TRMT11: variants seen among roughly 807,000 people sequenced by gnomAD.
The protein encoded by TRMT11 is tRNA methyltransferase 11.
In TRMT11, 53 loss-of-function variants were observed where a neutral mutation model predicts 62.8. That is an observed-to-expected ratio of 0.84 (90% CI 0.68 to 1.06). The LOEUF (loss-of-function observed/expected upper bound fraction) is 1.06, where lower values mean the gene tolerates loss of function less well. Ranked by LOEUF, TRMT11 falls within the 50% of genes least tolerant of loss-of-function variation. TRMT11 has a pLI of 0.00. For synonymous variants in TRMT11, 188 were observed against 190.3 expected, an observed-to-expected ratio of 0.99 and a Z score of 0.10; for missense variants, 556 against 553.4, an observed-to-expected ratio of 1.00 and a Z score of -0.05.
At chr6:126,023,148 A>G (rs999418156) in intron 12 of TRMT11, among the ~76,000 whole-genome samples, 6 of 152,250 alleles carry the variant, frequency 3.9e-5, no homozygotes, top group African/African-American at 1.4e-4. Context: ...TATTTCAAGG[A>G]TGATGATTTG....
At chr6:126,007,685 C>T (rs963804585) in intron 7 of TRMT11, among the ~76,000 whole-genome samples, 1 of 151,884 alleles carries the variant, frequency 6.6e-6, no homozygotes, top group South Asian at 2.1e-4. Context: ...ATGAGCTGGT[C>T]ACATCTGTCA....
At position 125,998,629 on chromosome 6, in the gene TRMT11, G is replaced by T; in HGVS notation, c.467G>T (p.Gly156Val). 2 of 1,613,428 alleles carry T rather than the reference G, an allele frequency of 1.2e-6. No individual in the cohort carries two copies. The highest frequency in any genetic ancestry group is 1.7e-6 in the Non-Finnish European group (2 of 1,179,640). The change falls in exon 6 of 13, where the codon GGT (glycine) becomes GTT (valine). Residue 156 changes from glycine (G) to valine (V), a missense_variant. Gly to Val is a moderately radical substitution (Grantham distance 109). Transcript: ENST00000334379. ...GTATTTTCTGTTTTGGAGGATTATG[G>T]TTTAGACCCAAACTGCATCCCTGAG... Reference protein sequence around the residue: ...QHVFSVLEDYGLDPNCIPENP... With the variant: ...QHVFSVLEDYVLDPNCIPENP...
chr6:126,102,870 C>A (rs2128180010), intron 17 of TRMT11, among the ~76,000 whole-genome samples: 1 of 152,196 alleles, frequency 6.6e-6, no homozygotes, highest in South Asian at 2.1e-4. Flanking sequence ...AGGATGATAC[C>A]ATTACTTTTC....
chr6:126,067,862 A>G (rs2128135517), intron 17 of TRMT11, among the ~76,000 whole-genome samples: 1 of 152,274 alleles, frequency 6.6e-6, no homozygotes. Context: ...TTTAAATTTT[A>G]TTCATTTGAG....
At chr6:126,033,744 G>C (rs1774658402) in intron 12 of TRMT11, among the ~76,000 whole-genome samples, 1 of 152,094 alleles carries the variant, frequency 6.6e-6, no homozygotes, top group Non-Finnish European at 1.5e-5. Context: ...CAGATGCATG[G>C]TCTGCTGTGC....
At chr6:126,029,167 T>TG in intron 12 of TRMT11, among the ~76,000 whole-genome samples, 1 of 152,226 alleles carries the variant, frequency 6.6e-6, no homozygotes, top group Admixed American at 6.5e-5. Context: ...GTTATCTTTC[T>TG]GGTGTTATTC....
intron 2 of TRMT11, among the ~76,000 whole-genome samples, chr6:125,995,757 C>T (rs905586588): frequency 6.6e-5 from 10 of 152,030 alleles, no homozygotes; most frequent in African/African-American, 2.2e-4. Flanking sequence ...AGGATATATT[C>T]GTTTATAGGG....
intron 21 of TRMT11, among the ~76,000 whole-genome samples, chr6:126,159,374 C>A (rs1778162912): frequency 6.6e-6 from 1 of 152,064 alleles, no homozygotes; most frequent in South Asian, 2.1e-4. Flanking sequence ...GCAAAACTAG[C>A]CATAGACAAT....
intron 1 of TRMT11, among the ~76,000 whole-genome samples, chr6:126,194,959 A>T (rs1008105891): frequency 1.3e-5 from 2 of 151,990 alleles, no homozygotes; most frequent in Admixed American, 1.3e-4. Context: ...TATAAAAAAT[A>T]AAAAAAATTA....
chr6:126,264,920 C>G, the TRMT11 span, among the ~76,000 whole-genome samples: 23 of 152,166 alleles, frequency 1.5e-4, no homozygotes, highest in African/African-American at 5.3e-4. Context: ...GTGCATGTAT[C>G]CTATTGGCTC....
intron 3 of TRMT11, among the ~76,000 whole-genome samples, chr6:126,201,395 A>G (rs996174225): frequency 2.0e-5 from 3 of 152,198 alleles, no homozygotes; most frequent in African/African-American, 7.2e-5. Flanking sequence ...ATGGAACACA[A>G]TCTTTCATTT....
intron 12 of TRMT11, among the ~76,000 whole-genome samples, chr6:126,027,381 T>C (rs1224007702): frequency 6.6e-6 from 1 of 152,198 alleles, no homozygotes; most frequent in East Asian, 1.9e-4. Flanking sequence ...CAAGATTTCC[T>C]TGAAATCTTT....
rs1775701718 is a variant in TRMT11, at chr6:126,038,816, G to A, written c.1372G>A (p.Glu458Lys). The A allele has an allele frequency of 1.3e-6, 2 of 1,597,300 alleles. No homozygotes were observed. Among genetic ancestry groups the A allele is most frequent in the Non-Finnish European group, 1.7e-6 (2 of 1,174,032 alleles). ...SGVTKRIAKE[E>K]KSTQE ...GGTAACAAAAAGAATTGCCAAGGAA[G>A]AAAAATCCACCCAGGAATGAAAATT... Residue 458 changes from glutamate to lysine, a missense_variant, in exon 13 of 13, where the codon GAA becomes AAA. Coordinates refer to ENST00000334379, the MANE Select transcript of TRMT11 (RefSeq NM_001031712.3).
At chr6:126,136,349 C>G (rs1576567) in intron 21 of TRMT11, among the ~76,000 whole-genome samples, 143,154 of 151,722 alleles carry the variant, frequency 0.94, 67,626 homozygotes, top group East Asian at 1. Context: ...ATAAACATCA[C>G]TAGTGTTTCT....
chr6:126,013,363 C>A (rs1361062195), intron 11 of TRMT11, among the ~76,000 whole-genome samples: 1 of 151,948 alleles, frequency 6.6e-6, no homozygotes, highest in Admixed American at 6.6e-5. Context: ...CTCAAGTGAT[C>A]CTCCCACCTC....
chr6:126,159,956 TA>T (rs540285082), intron 21 of TRMT11, among the ~76,000 whole-genome samples: 2 of 152,156 alleles, frequency 1.3e-5, no homozygotes, highest in Admixed American at 6.5e-5. Context: ...ATATAAGTGA[TA>T]AAAAAAGTGT....
chr6:126,251,781 C>T, the TRMT11 span, among the ~76,000 whole-genome samples: 1 of 152,206 alleles, frequency 6.6e-6, no homozygotes, highest in African/African-American at 2.4e-5. Context: ...TTATGTTGCC[C>T]TCTATCCTCT....
chr6:126,052,600 G>A (rs1449096746), intron 16 of TRMT11, among the ~76,000 whole-genome samples: 1 of 152,098 alleles, frequency 6.6e-6, no homozygotes, highest in African/African-American at 2.4e-5. Context: ...TCATGACAAT[G>A]TCTTTCCACC....
In TRMT11 at chr6:126,000,718, A is replaced by G. The variant is rs114562694; in HGVS notation, c.679+1105A>G. Among the ~76,000 whole-genome samples, 266 of 152,252 alleles carry G rather than the reference A, an allele frequency of 1.7e-3. 1 individual carries two copies. Among genetic ancestry groups the G allele is most frequent in the African/African-American group, 6.0e-3 (249 of 41,560 alleles). ...AGGAAGAAGTAGTATCAAGGTCAAT[A>G]AATTTCTAATTGATGGAATAACTTT... On this transcript the variant is annotated intron_variant, in intron 7 of 12. Transcript: ENST00000334379.
Sources: gnomAD v4.1 joint callset for allele counts (sites outside exome capture counted in the v4.1 genomes callset) on GRCh38, gnomAD v4.1.1 for gene constraint, MANE v1.5 for transcripts, NCBI Gene and HGNC (gene_info 2026-07-23, HGNC 2026-07-21) for gene names.